SLC35A1: variants seen among roughly 807,000 people sequenced by gnomAD.
SLC35A1 encodes CMP-sialic acid transporter.
A neutral mutation model predicts 40.3 loss-of-function variants in SLC35A1; 21 were observed. The ratio of observed to expected loss-of-function variants is 0.52; its 90% CI spans 0.37 to 0.75. SLC35A1 has a LOEUF of 0.75. Ranked by LOEUF, SLC35A1 falls within the 30% of genes least tolerant of loss-of-function variation. The pLI is 0.00. For synonymous variants in SLC35A1, 146 were observed against 147.3 expected (o/e 0.99, Z 0.06); for missense variants, 297 against 382.1 (o/e 0.78, Z 1.86).
intron 2 of SLC35A1, among the ~76,000 whole-genome samples, chr6:87,484,191 G>C (rs1290831648): frequency 6.6e-6 from 1 of 152,064 alleles, no homozygotes; most frequent in Non-Finnish European, 1.5e-5. Context: ...GTTATTCCTT[G>C]CACTGGGCGG....
chr6:87,474,737 A>G (rs1395330462), intron 1 of SLC35A1, among the ~76,000 whole-genome samples: 1 of 152,232 alleles, frequency 6.6e-6, no homozygotes, highest in Non-Finnish European at 1.5e-5. Flanking sequence ...AAATACGTTT[A>G]AAAACTGGTA....
intron 1 of SLC35A1, among the ~76,000 whole-genome samples, chr6:87,474,957 G>A (rs563745130): frequency 9.9e-5 from 15 of 152,116 alleles, no homozygotes; most frequent in Non-Finnish European, 1.6e-4. Flanking sequence ...TATTCACTTT[G>A]TTGTTTTTGG....
intron 1 of SLC35A1, among the ~76,000 whole-genome samples, chr6:87,473,480 C>A (rs916937005): frequency 1.3e-5 from 2 of 152,182 alleles, no homozygotes; most frequent in African/African-American, 4.8e-5. Context: ...AGATCCCATG[C>A]GGCGGCTGGG....
At chr6:87,509,693 CTTTG>C (rs1233144060) in intron 7 of SLC35A1, among the ~76,000 whole-genome samples, 1 of 152,030 alleles carries the variant, frequency 6.6e-6, no homozygotes, top group Non-Finnish European at 1.5e-5. Flanking sequence ...TCTTTTGTAT[CTTTG>C]TTTCATTCAA....
chr6:87,478,368 TAAATA>T (rs1036058596), intron 2 of SLC35A1, among the ~76,000 whole-genome samples: 2 of 152,174 alleles, frequency 1.3e-5, no homozygotes, highest in African/African-American at 2.4e-5. Context: ...TGCTGAAAAT[TAAATA>T]AAATCTAATA....
intron 2 of SLC35A1, among the ~76,000 whole-genome samples, chr6:87,500,198 A>AT (rs1346199938): frequency 6.6e-6 from 1 of 152,148 alleles, no homozygotes; most frequent in Admixed American, 6.6e-5. Flanking sequence ...CAGGGGATGA[A>AT]TTTTTTTATA....
intron 1 of SLC35A1, among the ~76,000 whole-genome samples, chr6:87,474,903 CAG>C (rs1290118659): frequency 6.6e-6 from 1 of 152,110 alleles, no homozygotes; most frequent in African/African-American, 2.4e-5. Flanking sequence ...TATTATAAGT[CAG>C]AATATGTTTG....
At chr6:87,498,687 A>G (rs568652176) in intron 2 of SLC35A1, among the ~76,000 whole-genome samples, 1 of 152,134 alleles carries the variant, frequency 6.6e-6, no homozygotes, top group Admixed American at 6.5e-5. Flanking sequence ...AGGAGAATCC[A>G]TGAACCTGGG....
intron 4 of SLC35A1, among the ~76,000 whole-genome samples, chr6:87,501,973 AGTGAATAGTTTT>A (rs1256582195): frequency 1.3e-5 from 2 of 152,162 alleles, no homozygotes; most frequent in Non-Finnish European, 2.9e-5. Flanking sequence ...ATGGGATGCC[AGTGAATAGTTTT>A]GTGAAGGTCA....
At chr6:87,508,867 G>A (rs532188744) in intron 6 of SLC35A1, among the ~76,000 whole-genome samples, 174 bp from the exon 7 acceptor site, 1 of 134,764 alleles carries the variant, frequency 7.4e-6, no homozygotes, top group East Asian at 2.1e-4. Context: ...GAAAAACAGT[G>A]TTATATAGGA....
chr6:87,505,545 A>G (rs549226013), intron 4 of SLC35A1, among the ~76,000 whole-genome samples: 171 of 152,294 alleles, frequency 1.1e-3, no homozygotes, highest in Non-Finnish European at 1.9e-3. Flanking sequence ...GCTATAACAG[A>G]ATACGCAGAG....
intron 2 of SLC35A1, among the ~76,000 whole-genome samples, chr6:87,479,029 T>C (rs1939582925): frequency 6.6e-6 from 1 of 151,880 alleles, no homozygotes; most frequent in African/African-American, 2.4e-5. Context: ...GCGGGAAAAA[T>C]GGTTATGGCA....
At position 87,477,672 on chromosome 6, in the gene SLC35A1, C is replaced by T. The variant is rs980114398; in HGVS notation, c.194+133C>T. On this transcript the variant is annotated intron_variant, in intron 2 of 7. Transcript: ENST00000369552. ...TTTCTCAACTAGGGGTGATTTTGCC[C>T]CCCAGAAGATTTTTTAGTTGTCACA... is the stretch of plus-strand genomic sequence containing the variant. 21 of 774,888 alleles carry T rather than the reference C, an allele frequency of 2.7e-5. No individual in the cohort carries two copies. The African/African-American group carries it at 3.5e-4, about 13-fold the overall frequency. 48.0% of individuals were successfully genotyped at this position (774,888 alleles called of 1,614,324 possible).
intron 2 of SLC35A1, among the ~76,000 whole-genome samples, chr6:87,497,690 A>C (rs186708220): frequency 6.6e-6 from 1 of 152,184 alleles, no homozygotes; most frequent in African/African-American, 2.4e-5. Flanking sequence ...GAGAGTCAAA[A>C]GGTCGTTTGT....
chr6:87,476,036 G>T (rs993719237), intron 1 of SLC35A1, among the ~76,000 whole-genome samples: 1 of 152,172 alleles, frequency 6.6e-6, no homozygotes, highest in Non-Finnish European at 1.5e-5. Flanking sequence ...CAGTACCCGA[G>T]CAGGTCTGGG....
At chr6:87,508,630 T>G in intron 6 of SLC35A1, 34 bp downstream of exon 6, 7 of 1,544,938 alleles carry the variant, frequency 4.5e-6, no homozygotes, top group African/African-American at 1.4e-5. Context: ...TCTTAGTAGA[T>G]CCTTTATTTT....
At chr6:87,474,242 T>G (rs962469131) in intron 1 of SLC35A1, among the ~76,000 whole-genome samples, 1 of 152,262 alleles carries the variant, frequency 6.6e-6, no homozygotes, top group Non-Finnish European at 1.5e-5. Context: ...TGAGCCTTGA[T>G]TGTAATCCTA....
At chr6:87,506,552 T>C (rs1298892728) in intron 5 of SLC35A1, 104 bp downstream of exon 5, 2 of 931,010 alleles carry the variant, frequency 2.1e-6, no homozygotes, top group Non-Finnish European at 3.5e-6. Context: ...TTATTCCCAT[T>C]AAACTTGATC....
At chr6:87,483,251 C>G (rs1441317015) in intron 2 of SLC35A1, among the ~76,000 whole-genome samples, 2 of 151,812 alleles carry the variant, frequency 1.3e-5, no homozygotes, top group Non-Finnish European at 2.9e-5. Context: ...GTTTCTCTTT[C>G]CTCTCTGCTG....
Sources: allele counts gnomAD v4.1 joint callset (sites outside exome capture counted in the v4.1 genomes callset), GRCh38; gene constraint gnomAD v4.1.1; transcripts MANE v1.5; gene names NCBI Gene and HGNC (gene_info 2026-07-23, HGNC 2026-07-21).